The following BRD4 variants were observed in gnomAD, a reference collection of about 807,000 sequenced individuals.
BRD4 encodes the protein bromodomain containing 4, also known as bromodomain-containing protein 4.
A neutral mutation model predicts 142.1 loss-of-function variants in BRD4; 16 were observed. The ratio of observed to expected loss-of-function variants is 0.11; its 90% CI spans 0.08 to 0.17. The LOEUF (loss-of-function observed/expected upper bound fraction) is 0.17, where lower values mean the gene tolerates loss of function less well. Ranked by LOEUF, BRD4 falls within the 10% of genes least tolerant of loss-of-function variation. The pLI, the probability that BRD4 is intolerant of heterozygous loss-of-function variation, is 1.00. For missense variants in BRD4, 1,424 were observed against 1,810.9 expected (o/e 0.79, Z 3.88); for synonymous variants, 833 against 707.5 (o/e 1.18, Z -2.82).
chr19:15,280,207 C>T (rs998546482), intron 1 of BRD4: 14 of 992,100 alleles, frequency 1.4e-5, no homozygotes, highest in Non-Finnish European at 1.6e-5. Flanking sequence ...GTTGGCTGGA[C>T]GTCATTTGGA....
intron 1 of BRD4, among the ~76,000 whole-genome samples, chr19:15,298,960 C>G (rs1004967852): frequency 6.6e-6 from 1 of 152,178 alleles, no homozygotes; most frequent in Admixed American, 6.5e-5. Context: ...ACAGGTCACA[C>G]CCCAGGTGTA....
chr19:15,278,607 T>G (rs1057292171), intron 1 of BRD4, among the ~76,000 whole-genome samples: 1 of 149,652 alleles, frequency 6.7e-6, no homozygotes, highest in Non-Finnish European at 1.5e-5. Flanking sequence ...ATATTCCTGT[T>G]TTTTTTTTTC....
At chr19:15,311,949 G>C (rs375050935) in intron 1 of BRD4, among the ~76,000 whole-genome samples, 1 of 152,226 alleles carries the variant, frequency 6.6e-6, no homozygotes, top group East Asian at 1.9e-4. Context: ...GAAGTTATTC[G>C]AAGGATACAG....
rs201929816 is a variant in BRD4 at position 15,237,555 on chromosome 19, G to A, written c.*822C>T. The A allele has an allele frequency of 1.3e-5, 3 of 224,114 alleles. No homozygotes were observed. The South Asian group carries it at 5.5e-4, about 41-fold the overall frequency. The allele number at this position is 224,114 out of a possible 1,614,324, so 13.9% of individuals were successfully genotyped here. ...GATCACACCATTTCGGAGATAAGCA[G>A]TGCCATTGTGTCTGGAGGAGAAGAG... On this transcript the variant is annotated 3_prime_UTR_variant, in exon 20 of 20. Transcript: ENST00000679869.
At chr19:15,279,537 T>C (rs746858333) in intron 1 of BRD4, among the ~76,000 whole-genome samples, 11 of 152,132 alleles carry the variant, frequency 7.2e-5, no homozygotes, top group Admixed American at 2.0e-4. Context: ...ACAGGCTTTG[T>C]TCTGAACCCA....
chr19:15,261,143 T>C (rs2047466446), intron 7 of BRD4, among the ~76,000 whole-genome samples: 1 of 152,124 alleles, frequency 6.6e-6, no homozygotes, highest in South Asian at 2.1e-4. Context: ...AAGGCACCAA[T>C]CTGAGGGCGC....
At chr19:15,328,998 T>G (rs974894339) in intron 1 of BRD4, among the ~76,000 whole-genome samples, 3 of 152,122 alleles carry the variant, frequency 2.0e-5, no homozygotes, top group Admixed American at 1.3e-4. Flanking sequence ...GTGTCGAACT[T>G]TTGACCCCAG....
intron 1 of BRD4, among the ~76,000 whole-genome samples, chr19:15,325,595 A>G (rs769992084): frequency 6.6e-6 from 1 of 152,192 alleles, no homozygotes; most frequent in Non-Finnish European, 1.5e-5. Context: ...TCACCCCTAT[A>G]AACAAGACCC....
rs1280117787 is a variant in BRD4, at chr19:15,241,931, G to GGAATC, written c.3169+968_3169+969insGATTC. ...AGACTCAAGCGATTCTCCCGCCTCA[G>GGAATC]CCTCCCAAGTGGCTGGGATTACAGG... On this transcript the variant is annotated intron_variant, in intron 14 of 19. Coordinates refer to ENST00000679869, the MANE Select transcript of BRD4 (RefSeq NM_001379291.1). Among the ~76,000 whole-genome samples, 247 of 150,324 alleles carry GGAATC rather than the reference G, an allele frequency of 1.6e-3. 7 individuals are homozygous for GGAATC. In the East Asian group the frequency reaches 0.046, roughly 28 times the overall value.
At chr19:15,318,832 G>A (rs2048037805) in intron 1 of BRD4, among the ~76,000 whole-genome samples, 1 of 152,176 alleles carries the variant, frequency 6.6e-6, no homozygotes, top group Non-Finnish European at 1.5e-5. Flanking sequence ...ACCCATTCTG[G>A]TACATTCTCA....
intron 1 of BRD4, among the ~76,000 whole-genome samples, chr19:15,299,906 G>A (rs960379348): frequency 6.6e-6 from 1 of 152,202 alleles, no homozygotes; most frequent in Non-Finnish European, 1.5e-5. Flanking sequence ...GTTCTACAGA[G>A]AGCGTATGAA....
chr19:15,291,027 C>A (rs2047778059), intron 1 of BRD4, among the ~76,000 whole-genome samples: 1 of 152,164 alleles, frequency 6.6e-6, no homozygotes, highest in Non-Finnish European at 1.5e-5. Flanking sequence ...TCAGACCCTG[C>A]AAAACCCCCA....
intron 1 of BRD4, among the ~76,000 whole-genome samples, chr19:15,295,585 C>T (rs1208772446): frequency 1.3e-5 from 2 of 152,250 alleles, no homozygotes; most frequent in Non-Finnish European, 2.9e-5. Context: ...ATTCTTACTA[C>T]TCTTTTTCAA....
At chr19:15,300,810 A>G (rs1411664596) in intron 1 of BRD4, among the ~76,000 whole-genome samples, 1 of 152,214 alleles carries the variant, frequency 6.6e-6, no homozygotes. Flanking sequence ...AGCAACGACT[A>G]AAACTCTCAT....
chr19:15,310,512 C>A (rs2047960653), intron 1 of BRD4, among the ~76,000 whole-genome samples: 1 of 151,856 alleles, frequency 6.6e-6, no homozygotes, highest in Non-Finnish European at 1.5e-5. Context: ...AGGTGCCCAC[C>A]ACCACGCCTG....
intron 14 of BRD4, among the ~76,000 whole-genome samples, chr19:15,241,860 T>C (rs2047240600): frequency 6.8e-6 from 1 of 147,854 alleles, no homozygotes; most frequent in African/African-American, 2.5e-5. Context: ...TTGCCCAGAC[T>C]GGAGTGCAGT....
chr19:15,276,534 G>C (rs2047648670), intron 1 of BRD4, among the ~76,000 whole-genome samples: 3 of 152,062 alleles, frequency 2.0e-5, no homozygotes, highest in Admixed American at 2.0e-4. Flanking sequence ...ATAGCATCTG[G>C]TGCTTCCCTC....
intron 6 of BRD4, among the ~76,000 whole-genome samples, chr19:15,263,754 C>A (rs2047500156): frequency 6.6e-6 from 1 of 152,206 alleles, no homozygotes; most frequent in African/African-American, 2.4e-5. Flanking sequence ...AGCTCACCTG[C>A]CTGGCTCGCA....
rs1309211158 is a variant in BRD4, at chr19:15,255,516, T to C, written c.1828A>G (p.Met610Val). The C allele has an allele frequency of 1.9e-6, 3 of 1,614,152 alleles. No homozygotes were observed. The highest frequency in any genetic ancestry group is 1.7e-5 in the Admixed American group (1 of 60,024). ...AGCTGCCGCTTCTCCTCATAGGACA[T>C]AGGCTTGCACTTGTCCTCTTCCTCC... ...ESEEEDKCKP[M>V]SYEEKRQLSL... The change falls in exon 10 of 20, where the codon ATG (methionine) becomes GTG (valine). Residue 610 changes from methionine (M) to valine (V), a missense_variant. Coordinates refer to ENST00000679869, the MANE Select transcript of BRD4 (RefSeq NM_001379291.1).
Sources: gnomAD v4.1 joint callset for allele counts (sites outside exome capture counted in the v4.1 genomes callset) on GRCh38, gnomAD v4.1.1 for gene constraint, MANE v1.5 for transcripts, NCBI Gene and HGNC (gene_info 2026-07-23, HGNC 2026-07-21) for gene names.